The following FRMPD4 variants were observed in gnomAD, a reference collection of about 807,000 sequenced individuals.
FRMPD4 encodes FERM and PDZ domain containing 4.
FRMPD4 carries 22 observed loss-of-function variants against 94.1 expected under a neutral mutation model. That is an observed-to-expected ratio of 0.23 (90% CI 0.17 to 0.33). The LOEUF is 0.33. FRMPD4 is among the 10% of genes least tolerant of loss of function. The pLI is 1.00. For synonymous variants in FRMPD4, 631 were observed against 548.6 expected, an observed-to-expected ratio of 1.15 and a Z score of -2.10; for missense variants, 1,111 against 1,339.9, an observed-to-expected ratio of 0.83 and a Z score of 2.67.
intron 5 of FRMPD4, among the ~76,000 whole-genome samples, chrX:12,675,675 CA>C (rs756665564): frequency 2.1e-4 from 23 of 111,625 alleles, no homozygotes; most frequent in Non-Finnish European, 3.4e-4. Flanking sequence ...CCACTGCTTG[CA>C]AATTTCATAC....
intron 2 of FRMPD4, among the ~76,000 whole-genome samples, chrX:12,570,165 C>T (rs1337600176): frequency 8.9e-6 from 1 of 112,063 alleles, no homozygotes; most frequent in African/African-American, 3.2e-5. Context: ...TGAAGCAAGG[C>T]TAGAATTGCA....
chrX:11,930,139 C>A (rs891649892), intron 3 of FRMPD4, among the ~76,000 whole-genome samples: 1 of 64,575 alleles, frequency 1.5e-5, no homozygotes, highest in African/African-American at 4.7e-5. Context: ...AAAAAAGGCA[C>A]CGTCATGGGA....
chrX:12,189,514 T>A (rs1468103358), intron 1 of FRMPD4, among the ~76,000 whole-genome samples: 2 of 111,649 alleles, frequency 1.8e-5, no homozygotes, highest in Non-Finnish European at 3.8e-5. Context: ...AAATCCCCAA[T>A]GAAATATTAG....
intron 2 of FRMPD4, among the ~76,000 whole-genome samples, chrX:12,561,595 A>C (rs2058660467): frequency 8.9e-6 from 1 of 112,671 alleles, no homozygotes; most frequent in Non-Finnish European, 1.9e-5. Flanking sequence ...CATAGTTATC[A>C]TAACCATAAA....
chrX:12,236,926 A>T (rs2057077086), intron 1 of FRMPD4, among the ~76,000 whole-genome samples: 1 of 111,856 alleles, frequency 8.9e-6, no homozygotes, highest in Non-Finnish European at 1.9e-5. Context: ...CACAACTGAC[A>T]AGGGGGTTGC....
chrX:12,492,374 G>A, intron 1 of FRMPD4, among the ~76,000 whole-genome samples: 1 of 112,221 alleles, frequency 8.9e-6, no homozygotes, highest in Non-Finnish European at 1.9e-5. Context: ...AATCATAGAT[G>A]TATAACTACA....
chrX:12,092,833 T>A (rs1601932567), intron 3 of FRMPD4, among the ~76,000 whole-genome samples: 1 of 111,177 alleles, frequency 9.0e-6, no homozygotes, highest in East Asian at 2.8e-4. Context: ...ACTTCTACAG[T>A]ATGATGGAAA....
chrX:12,126,229 G>GA (rs1425332334), intron 3 of FRMPD4, among the ~76,000 whole-genome samples: 8 of 112,132 alleles, frequency 7.1e-5, no homozygotes, highest in Non-Finnish European at 1.3e-4. Flanking sequence ...GACACAGCAG[G>GA]AAACAGGAAG....
intron 3 of FRMPD4, among the ~76,000 whole-genome samples, chrX:11,881,493 T>C (rs762804495): frequency 8.9e-6 from 1 of 112,492 alleles, no homozygotes; most frequent in Non-Finnish European, 1.9e-5. Context: ...TATTGATACA[T>C]ACAACAAATT....
At position 12,285,802 on chromosome X, in the gene FRMPD4, G is replaced by C. The variant is rs747496076; in HGVS notation, c.41+146790G>C. Among the ~76,000 whole-genome samples the C allele has an allele frequency of 1.4e-3, 154 of 112,098 alleles. 2 individuals are homozygous for C. Among genetic ancestry groups the C allele is most frequent in the Admixed American group, 2.1e-3 (22 of 10,580 alleles). Reference sequence around the variant, plus strand: ...CAGCATTCAGCAGCCCCAATGCCGGGTGTATCTGAGGATTAAATGTACATC... The same window carrying C: ...CAGCATTCAGCAGCCCCAATGCCGGCTGTATCTGAGGATTAAATGTACATC... On this transcript the variant is annotated intron_variant, in intron 1 of 16. Transcript: ENST00000675598.
Position 11,974,340 on chromosome X carries a change from TC to T in FRMPD4, c.95+96323del, listed in dbSNP as rs780902518. On this transcript the variant is annotated intron_variant, in intron 3 of 18. Coordinates refer to the FRMPD4 transcript ENST00000640291. ...ACAGAGCCTGGCACCTCCCACTCTT[TC>T]GCTTGCTTCCTCTCTTGCCATGTGA... 2.7e-4 allele frequency among the ~76,000 whole-genome samples: 30 copies of T among 111,524 alleles called. 1 individual carries two copies. Among genetic ancestry groups the T allele is most frequent in the Non-Finnish European group, 2.6e-4 (14 of 53,078 alleles).
At chrX:12,202,548 T>G (rs2056643552) in intron 1 of FRMPD4, among the ~76,000 whole-genome samples, 1 of 112,360 alleles carries the variant, frequency 8.9e-6, no homozygotes, top group Non-Finnish European at 1.9e-5. Flanking sequence ...GCACTGATCT[T>G]TAGGGGAAGA....
At chrX:11,861,242 T>G (rs2053684994) in intron 1 of FRMPD4, among the ~76,000 whole-genome samples, 1 of 111,756 alleles carries the variant, frequency 8.9e-6, no homozygotes, top group Non-Finnish European at 1.9e-5. Context: ...CTCAAATCTC[T>G]CAAGAAAGAG....
At chrX:12,389,861 C>T (rs1373194147) in intron 1 of FRMPD4, among the ~76,000 whole-genome samples, 1 of 111,677 alleles carries the variant, frequency 9.0e-6, no homozygotes, top group Non-Finnish European at 1.9e-5. Flanking sequence ...GACAAACAAT[C>T]GCATTTCCAT....
intron 1 of FRMPD4, among the ~76,000 whole-genome samples, chrX:12,148,425 T>C (rs1347288756): frequency 2.7e-5 from 3 of 112,579 alleles, no homozygotes; most frequent in Non-Finnish European, 5.6e-5. Flanking sequence ...TCTTAAATTC[T>C]GCGAAGGCTG....
intron 7 of FRMPD4, among the ~76,000 whole-genome samples, chrX:12,688,879 G>A (rs1444247404): frequency 1.8e-5 from 2 of 108,894 alleles, no homozygotes; most frequent in African/African-American, 6.7e-5. Flanking sequence ...CACAGAGAAG[G>A]ATTAAAACAT....
intron 5 of FRMPD4, among the ~76,000 whole-genome samples, chrX:12,680,608 G>C (rs1023525583): frequency 2.7e-5 from 3 of 112,099 alleles, no homozygotes; most frequent in Admixed American, 9.4e-5. Context: ...AACAAAAAAA[G>C]TACTTGTTAT....
intron 1 of FRMPD4, among the ~76,000 whole-genome samples, chrX:11,846,745 A>G (rs2053579154): frequency 9.2e-6 from 1 of 109,039 alleles, no homozygotes; most frequent in African/African-American, 3.3e-5. Context: ...CAACTATCTG[A>G]TCTTTGGCAA....
At chrX:11,856,459 G>A (rs1219046833) in intron 1 of FRMPD4, among the ~76,000 whole-genome samples, 2 of 111,589 alleles carry the variant, frequency 1.8e-5, no homozygotes, top group Non-Finnish European at 3.8e-5. Flanking sequence ...AAAATCACAC[G>A]ATTATCTCAA....
Sources: gnomAD v4.1 joint callset for allele counts (sites outside exome capture counted in the v4.1 genomes callset) on GRCh38, gnomAD v4.1.1 for gene constraint, MANE v1.5 for transcripts, NCBI Gene and HGNC (gene_info 2026-07-23, HGNC 2026-07-21) for gene names.